AKAP10: variants seen among roughly 807,000 people sequenced by gnomAD.
AKAP10 encodes A-kinase anchoring protein 10.
In AKAP10, 24 loss-of-function variants were observed where a neutral mutation model predicts 80.8. The ratio of observed to expected loss-of-function variants is 0.30; its 90% CI spans 0.22 to 0.42. The LOEUF is 0.42. Ranked by LOEUF, AKAP10 falls within the 10% of genes least tolerant of loss-of-function variation. AKAP10 has a pLI of 1.00. For synonymous variants in AKAP10, 291 were observed against 277.7 expected (o/e 1.05, Z -0.48); for missense variants, 661 against 794.9 (o/e 0.83, Z 2.03).
At chr17:19,941,153 A>C in intron 6 of AKAP10, 143 bp from the exon 7 acceptor site, 3 of 853,980 alleles carry the variant, frequency 3.5e-6, no homozygotes, top group Non-Finnish European at 5.1e-6. Flanking sequence ...GTCATTCCTG[A>C]TTCCTTTACC....
At chr17:19,973,797 G>C (rs562158157) in intron 1 of AKAP10, among the ~76,000 whole-genome samples, 8 of 152,316 alleles carry the variant, frequency 5.3e-5, no homozygotes, top group African/African-American at 1.7e-4. Flanking sequence ...AGACGTGGTA[G>C]GATTTCGATA....
At chr17:19,944,340 T>C (rs985195698) in intron 5 of AKAP10, among the ~76,000 whole-genome samples, 4 of 152,182 alleles carry the variant, frequency 2.6e-5, no homozygotes, top group African/African-American at 9.7e-5. Context: ...TGCATGTTTA[T>C]ATATATACCT....
intron 11 of AKAP10, among the ~76,000 whole-genome samples, chr17:19,921,302 G>A (rs1210368637): frequency 6.6e-6 from 1 of 151,648 alleles, no homozygotes; most frequent in African/African-American, 2.4e-5. Context: ...CGAGTAGCTG[G>A]GACTACGGGT....
chr17:19,941,116 G>A (rs909492904), intron 6 of AKAP10, 106 bp from the exon 7 acceptor site: 2 of 1,186,618 alleles, frequency 1.7e-6, no homozygotes, highest in African/African-American at 3.2e-5. Context: ...TAAAGGCCTA[G>A]GTCAACACTA....
chr17:19,920,894 TAC>T (rs1183488115), intron 11 of AKAP10, among the ~76,000 whole-genome samples: 15 of 53,512 alleles, frequency 2.8e-4, no homozygotes, highest in African/African-American at 1.1e-3. Context: ...AAGCAAAAAA[TAC>T]AGTAAGGGTC....
rs552716680 is a variant in AKAP10 at position 19,909,103 on chromosome 17, A to T, written c.1983+78T>A. The T allele has an allele frequency of 7.7e-5, 98 of 1,273,624 alleles. No homozygotes were observed. In the African/African-American group the frequency reaches 1.5e-3, roughly 19 times the overall value. The allele number at this position is 1,273,624 out of a possible 1,614,324, so 78.9% of individuals were successfully genotyped here. A position where few individuals can be genotyped will look rare whatever the true frequency, so the allele number is the denominator to read the frequency against. ...AGCAGTTAATCCTTCAAAGGCAAAGAAACCCCTTATGTTCTTTTTTATTTT... is the reference window on the plus strand; with the variant it reads ...AGCAGTTAATCCTTCAAAGGCAAAGTAACCCCTTATGTTCTTTTTTATTTT... On this transcript the variant is annotated intron_variant, in intron 14 of 14. Transcript: ENST00000225737.
At chr17:19,915,214 T>C (rs2042731788) in intron 12 of AKAP10, among the ~76,000 whole-genome samples, 1 of 152,180 alleles carries the variant, frequency 6.6e-6, no homozygotes, top group South Asian at 2.1e-4. Flanking sequence ...ACATGATGTG[T>C]TCTAATCTAA....
intron 12 of AKAP10, among the ~76,000 whole-genome samples, chr17:19,913,132 C>T (rs935043885): frequency 3.3e-5 from 5 of 151,010 alleles, no homozygotes; most frequent in East Asian, 1.9e-4. Flanking sequence ...TACTCGTACC[C>T]GCCACCACGC....
intron 1 of AKAP10, among the ~76,000 whole-genome samples, chr17:19,973,431 C>T (rs1301403838): frequency 2.0e-5 from 3 of 152,172 alleles, no homozygotes; most frequent in African/African-American, 7.2e-5. Context: ...GTCTGTTGAT[C>T]TGAGATATAT....
rs767836860 is a variant in AKAP10 at position 19,921,107 on chromosome 17, T to C, written c.1752-989A>G. 6.7e-5 allele frequency among the ~76,000 whole-genome samples: 10 copies of C among 150,242 alleles called. No homozygotes were observed. The South Asian group carries it at 1.3e-3, about 19-fold the overall frequency. On this transcript the variant is annotated intron_variant, in intron 11 of 14. Coordinates refer to ENST00000225737, the MANE Select transcript of AKAP10 (RefSeq NM_007202.4). ...AAAAAACCTGAACAATCAAGAGACA[T>C]ACCAAAAGAAACTCAATCTCATTAG... is the stretch of plus-strand genomic sequence containing the variant.
intron 10 of AKAP10, 148 bp from the exon 11 acceptor site, chr17:19,924,665 G>A (rs1651800798): frequency 8.4e-6 from 4 of 473,452 alleles, no homozygotes; most frequent in Non-Finnish European, 1.5e-5. Context: ...TAACAACAAT[G>A]ACTCTGAAAT....
chr17:19,912,977 C>CTT (rs199879028), intron 12 of AKAP10, among the ~76,000 whole-genome samples: 1 of 150,612 alleles, frequency 6.6e-6, no homozygotes, highest in East Asian at 2.0e-4. Flanking sequence ...CAATTTCTTT[C>CTT]TTTCTTTTTT....
At chr17:19,936,693 G>A (rs2042996250) in intron 8 of AKAP10, among the ~76,000 whole-genome samples, 1 of 152,174 alleles carries the variant, frequency 6.6e-6, no homozygotes, top group South Asian at 2.1e-4. Flanking sequence ...TTTAAAAGCT[G>A]TAAGGATCAG....
chr17:19,955,242 A>G (rs2152417229), intron 4 of AKAP10, among the ~76,000 whole-genome samples: 1 of 152,220 alleles, frequency 6.6e-6, no homozygotes, highest in Non-Finnish European at 1.5e-5. Context: ...ATAAGAAAAA[A>G]AAAGAGAAAA....
rs1373497135 is a variant in AKAP10 at position 19,926,819 on chromosome 17, T to G, written c.1642-2302A>C. 3.9e-5 allele frequency among the ~76,000 whole-genome samples: 6 copies of G among 152,296 alleles called. No individual in the cohort carries two copies. In the East Asian group the frequency reaches 1.2e-3, roughly 29 times the overall value. On this transcript the variant is annotated intron_variant, in intron 10 of 14. Coordinates refer to ENST00000225737, the MANE Select transcript of AKAP10 (RefSeq NM_007202.4). Reference sequence around the variant, plus strand: ...ATGTTCACAAATTAGAAGACAATACTGTTAAGAAGGCAATATTTTGGCCGG... The same window carrying G: ...ATGTTCACAAATTAGAAGACAATACGGTTAAGAAGGCAATATTTTGGCCGG...
intron 8 of AKAP10, among the ~76,000 whole-genome samples, chr17:19,938,808 T>A (rs978987964): frequency 6.6e-6 from 1 of 151,620 alleles, no homozygotes; most frequent in Non-Finnish European, 1.5e-5. Flanking sequence ...CACAGCTCAC[T>A]GCAGCCTCGA....
At chr17:19,948,899 T>A (rs2043167237) in intron 4 of AKAP10, among the ~76,000 whole-genome samples, 1 of 152,204 alleles carries the variant, frequency 6.6e-6, no homozygotes, top group Admixed American at 6.5e-5. Flanking sequence ...GCCGACAGAA[T>A]GCTGCTTAGA....
chr17:19,968,173 C>A lies in AKAP10; in HGVS notation c.136+241G>T, dbSNP rs1414683022. ...CCAAGATCGCGCCACTGCACTCCAG[C>A]CTGGGTAACAGAGCAAGACTCCGTC... On this transcript the variant is annotated intron_variant, in intron 2 of 14. Coordinates refer to ENST00000225737, the MANE Select transcript of AKAP10 (RefSeq NM_007202.4). 9.3e-6 allele frequency: 3 copies of A among 322,948 alleles called. No homozygotes were observed. The East Asian group carries it at 1.6e-4, about 17-fold the overall frequency. The allele number at this position is 322,948 out of a possible 1,614,324, so 20.0% of individuals were successfully genotyped here.
chr17:19,958,594 T>C, intron 3 of AKAP10, 23 bp from the exon 4 acceptor site: 1 of 1,562,598 alleles, frequency 6.4e-7, no homozygotes, highest in Non-Finnish European at 8.6e-7. Context: ...AGCAAAAGAA[T>C]TAGCAGTTCA....
Sources: allele counts gnomAD v4.1 joint callset (sites outside exome capture counted in the v4.1 genomes callset), GRCh38; gene constraint gnomAD v4.1.1; transcripts MANE v1.5; gene names NCBI Gene and HGNC (gene_info 2026-07-23, HGNC 2026-07-21).